Variants in PRKCZ observed in about 807,000 individuals in gnomAD.
PRKCZ encodes the protein protein kinase C zeta.
Under a neutral mutation model 79.5 loss-of-function variants are expected in PRKCZ, and 33 were observed. The observed-to-expected ratio is 0.41, with a 90% confidence interval of 0.31 to 0.55. The LOEUF (loss-of-function observed/expected upper bound fraction) is 0.55. Ranked by LOEUF, PRKCZ falls within the 20% of genes least tolerant of loss-of-function variation. The probability of loss-of-function intolerance (pLI) is 0.19; values close to 1 mark genes in which losing one functional copy is unlikely to be tolerated. For synonymous variants in PRKCZ, 342 were observed against 320.9 expected, an observed-to-expected ratio of 1.07 and a Z score of -0.70; for missense variants, 578 against 813.5, an observed-to-expected ratio of 0.71 and a Z score of 3.52.
At chr1:2,114,360 G>A (rs1375928261) in intron 4 of PRKCZ, among the ~76,000 whole-genome samples, 2 of 152,206 alleles carry the variant, frequency 1.3e-5, no homozygotes, top group South Asian at 2.1e-4. Flanking sequence ...GAATATGGTG[G>A]ACATTAATTC....
At chr1:2,061,253 T>C (rs1039231859) in intron 4 of PRKCZ, among the ~76,000 whole-genome samples, 4 of 152,234 alleles carry the variant, frequency 2.6e-5, no homozygotes, top group African/African-American at 7.2e-5. Context: ...TTCTCCGACA[T>C]GTCTGCCTCT....
intron 4 of PRKCZ, among the ~76,000 whole-genome samples, chr1:2,092,387 C>T (rs568308830): frequency 6.1e-4 from 93 of 152,298 alleles, no homozygotes; most frequent in Non-Finnish European, 9.8e-4. Flanking sequence ...CCAGAGAGGG[C>T]GGGGACACCC....
chr1:2,114,646 C>T (rs1364340066), intron 4 of PRKCZ, among the ~76,000 whole-genome samples: 2 of 152,094 alleles, frequency 1.3e-5, no homozygotes, highest in Non-Finnish European at 2.9e-5. Flanking sequence ...TGGTGGTGGA[C>T]ACCTGTAGTC....
chr1:2,075,548 G>C lies in PRKCZ; in HGVS notation c.334+15957G>C, dbSNP rs944432274. Among the ~76,000 whole-genome samples, 5 of 152,212 alleles carry C rather than the reference G, an allele frequency of 3.3e-5. No homozygotes were observed. The highest frequency in any genetic ancestry group is 5.9e-5 in the Non-Finnish European group (4 of 68,044). On this transcript the variant is annotated intron_variant, in intron 4 of 17. Coordinates refer to ENST00000378567, the MANE Select transcript of PRKCZ (RefSeq NM_002744.6). The surrounding 1 kb of genome is among the most constrained non-coding windows in gnomAD (Gnocchi z 4.8). ...CCCAGCTGCATCAGCCATCAGTGGG[G>C]GCCCTTCTCCGACCGTCTTCCTAGA...
chr1:2,102,837 C>G (rs1202875862), intron 4 of PRKCZ, among the ~76,000 whole-genome samples: 1 of 152,054 alleles, frequency 6.6e-6, no homozygotes, highest in Non-Finnish European at 1.5e-5. Context: ...AGGGGCCTTA[C>G]CCTTTGGACT....
intron 5 of PRKCZ, among the ~76,000 whole-genome samples, chr1:2,136,717 C>G (rs566343646): frequency 6.6e-6 from 1 of 152,090 alleles, no homozygotes; most frequent in Non-Finnish European, 1.5e-5. Context: ...GAGTATGGTG[C>G]CAGGGAGTGT....
rs1685747581 is a variant in PRKCZ, at chr1:2,177,688, C to A, written c.1575+2375C>A. The stretch of plus-strand genomic sequence containing the variant: ...CGAGCACGCCAGGTGATCTCTGGCA[C>A]ACACTTGCCGCGGGCTGTCTCTCGG... On this transcript the variant is annotated intron_variant, in intron 16 of 17. Coordinates refer to ENST00000378567, the MANE Select transcript of PRKCZ (RefSeq NM_002744.6). This position sits in a 1 kb window ranked among gnomAD's most constrained non-coding sequence, Gnocchi z 6.4. 1.3e-5 allele frequency among the ~76,000 whole-genome samples: 2 copies of A among 152,208 alleles called. No homozygotes were observed. Among genetic ancestry groups the A allele is most frequent in the Admixed American group, 1.3e-4 (2 of 15,284 alleles).
chr1:2,151,041 G>GGCTTTAGCGGA, intron 9 of PRKCZ, 63 bp downstream of exon 9: 2 of 1,567,770 alleles, frequency 1.3e-6, no homozygotes, highest in African/African-American at 2.7e-5. Context: ...GCCTCCTCCG[G>GGCTTTAGCGGA]GCTTTAGCGG....
chr1:2,167,116 A>G (rs1380238822), intron 10 of PRKCZ, among the ~76,000 whole-genome samples: 1 of 152,182 alleles, frequency 6.6e-6, no homozygotes, highest in East Asian at 1.9e-4. Context: ...AGACAAAAAA[A>G]CCCCACCATC....
intron 3 of PRKCZ, 96 bp from the exon 4 acceptor site, chr1:2,059,445 C>T: frequency 6.8e-7 from 1 of 1,470,060 alleles, no homozygotes; most frequent in Non-Finnish European, 9.4e-7. Context: ...GCGTGAAGTC[C>T]ACGTGCTCAG....
chr1:2,117,590 G>T (rs1192733677), intron 4 of PRKCZ, among the ~76,000 whole-genome samples: 1 of 152,162 alleles, frequency 6.6e-6, no homozygotes, highest in Non-Finnish European at 1.5e-5. Context: ...TGGGACAGAA[G>T]TGGTGACAGC....
At chr1:2,097,977 T>C (rs1666812112) in intron 4 of PRKCZ, among the ~76,000 whole-genome samples, 1 of 152,108 alleles carries the variant, frequency 6.6e-6, no homozygotes. Context: ...TAATTCCGAT[T>C]GGCTATTTTA....
chr1:2,126,136 C>T (rs1250792507), intron 4 of PRKCZ, among the ~76,000 whole-genome samples: 1 of 152,198 alleles, frequency 6.6e-6, no homozygotes, highest in Non-Finnish European at 1.5e-5. Context: ...GTTCCCGTCA[C>T]GTCTCCTCCC....
intron 10 of PRKCZ, among the ~76,000 whole-genome samples, chr1:2,157,168 C>T (rs1016345920): frequency 1.3e-5 from 2 of 152,156 alleles, no homozygotes; most frequent in Non-Finnish European, 2.9e-5. Context: ...CTTCCTCCTC[C>T]TTCTTGTTCT....
rs116130899 is a variant in PRKCZ at position 2,110,352 on chromosome 1, T to C, written c.335-24910T>C. On this transcript the variant is annotated intron_variant, in intron 4 of 17. Coordinates refer to ENST00000378567, the MANE Select transcript of PRKCZ (RefSeq NM_002744.6). ...GGCGTGATCAGAGCAGGCAGGACCT[T>C]TCTTCCCTCTCTGCAGCTCCGGCAC... 9.5e-3 allele frequency among the ~76,000 whole-genome samples: 1,445 copies of C among 152,332 alleles called. 22 individuals are homozygous for C. The highest frequency in any genetic ancestry group is 0.032 in the African/African-American group (1,338 of 41,562).
At chr1:2,056,723 C>CT (rs1660197647) in intron 3 of PRKCZ, 150 bp downstream of exon 3, 7 of 537,052 alleles carry the variant, frequency 1.3e-5, no homozygotes, top group Non-Finnish European at 2.1e-5. Flanking sequence ...GGGTTTTTTT[C>CT]TTTGACTTTT....
chr1:2,117,685 T>G (rs1283046283), intron 4 of PRKCZ, among the ~76,000 whole-genome samples: 1 of 152,236 alleles, frequency 6.6e-6, no homozygotes, highest in Non-Finnish European at 1.5e-5. Context: ...TGTTTTTCCT[T>G]CGTAAATCCC....
chr1:2,169,415 C>A (rs375608570), intron 10 of PRKCZ, 103 bp from the exon 11 acceptor site: 1 of 956,504 alleles, frequency 1.0e-6, no homozygotes, highest in South Asian at 1.4e-5. Context: ...ACTGAACCTG[C>A]GGGAGGGTTC....
In PRKCZ at chr1:2,055,488, T is replaced by C; in HGVS notation, c.119T>C (p.Leu40Pro). Reference sequence around the variant, plus strand: ...GACGCCGCCACGACCTTCGAGGAGCTCTGTGAGGAAGTGAGAGACATGTGT... The same window carrying C: ...GACGCCGCCACGACCTTCGAGGAGCCCTGTGAGGAAGTGAGAGACATGTGT... Reference protein sequence around the residue: ...SVDAATTFEELCEEVRDMCRL... With the variant: ...SVDAATTFEEPCEEVRDMCRL... Residue 40 changes from leucine (L) to proline (P), a missense_variant, in exon 2 of 18, where the codon CTC (leucine) becomes CCC (proline). Around this residue, in one of 4 missense-constraint regions of PRKCZ, gnomAD observed 228 missense variants for 211.6 expected, o/e 1.08. Coordinates refer to ENST00000378567, the MANE Select transcript of PRKCZ (RefSeq NM_002744.6). 1 of 1,614,006 alleles carries C rather than the reference T, an allele frequency of 6.2e-7. No homozygotes were observed. Among genetic ancestry groups the C allele is most frequent in the African/African-American group, 1.3e-5 (1 of 75,010 alleles).
Sources: gnomAD v4.1 joint callset for allele counts (sites outside exome capture counted in the v4.1 genomes callset) on GRCh38, gnomAD v4.1.1 for gene constraint, gnomAD v4.1.1 regional missense constraint, Gnocchi (gnomAD v3.1) non-coding constraint, MANE v1.5 for transcripts, NCBI Gene and HGNC (gene_info 2026-07-23, HGNC 2026-07-21) for gene names.